Variants in MEOX2 observed in about 807,000 individuals in gnomAD.
MEOX2 encodes the protein homeobox protein MOX-2.
Under a neutral mutation model 27.0 loss-of-function variants are expected in MEOX2, and 11 were observed. That is an observed-to-expected ratio of 0.41 (90% CI 0.26 to 0.68). MEOX2 has a LOEUF of 0.68. Ranked by LOEUF, MEOX2 falls within the 30% of genes least tolerant of loss-of-function variation. The pLI is 0.33. For missense variants in MEOX2, 436 were observed against 385.4 expected (o/e 1.13, Z -1.10); for synonymous variants, 189 against 155.4 (o/e 1.22, Z -1.61).
At chr7:15,624,309 T>G (rs1357015827) in intron 2 of MEOX2, among the ~76,000 whole-genome samples, 1 of 152,228 alleles carries the variant, frequency 6.6e-6, no homozygotes, top group Admixed American at 6.5e-5. Flanking sequence ...AAATATATTG[T>G]GCACAATAAC....
chr7:15,632,400 T>C (rs767435458), intron 1 of MEOX2, among the ~76,000 whole-genome samples: 2 of 151,874 alleles, frequency 1.3e-5, no homozygotes, highest in Non-Finnish European at 2.9e-5. Context: ...TTTGTTTTAA[T>C]TTTATCTTTC....
chr7:15,646,943 T>C (rs1426354338), intron 1 of MEOX2, among the ~76,000 whole-genome samples: 1 of 151,950 alleles, frequency 6.6e-6, no homozygotes, highest in Non-Finnish European at 1.5e-5. Flanking sequence ...AAAGGCAATT[T>C]ATATACAGTA....
chr7:15,632,602 TA>T (rs1302561265), intron 1 of MEOX2, among the ~76,000 whole-genome samples: 2 of 151,846 alleles, frequency 1.3e-5, no homozygotes, highest in Admixed American at 6.6e-5. Flanking sequence ...GTATTTTTGT[TA>T]AAAAATATTT....
chr7:15,656,432 T>G (rs1411268957), intron 1 of MEOX2, among the ~76,000 whole-genome samples: 1 of 150,854 alleles, frequency 6.6e-6, no homozygotes, highest in African/African-American at 2.5e-5. Flanking sequence ...GTTTTTCATG[T>G]TTTTCTTTTT....
intron 2 of MEOX2, among the ~76,000 whole-genome samples, chr7:15,626,403 T>A (rs964895913): frequency 4.6e-5 from 7 of 152,202 alleles, no homozygotes; most frequent in African/African-American, 1.7e-4. Context: ...TTACCAACTT[T>A]CTAATATGCC....
chr7:15,654,030 A>G (rs1286845595), intron 1 of MEOX2, among the ~76,000 whole-genome samples: 2 of 151,932 alleles, frequency 1.3e-5, no homozygotes, highest in African/African-American at 4.8e-5. Context: ...TAAATTTTCC[A>G]GTCCATAAAC....
At chr7:15,619,395 T>A (rs1781180153) in intron 2 of MEOX2, among the ~76,000 whole-genome samples, 1 of 152,042 alleles carries the variant, frequency 6.6e-6, no homozygotes, top group Non-Finnish European at 1.5e-5. Flanking sequence ...TATTGTTAAT[T>A]TGTTGATTAC....
At chr7:15,643,993 T>C (rs948134155) in intron 1 of MEOX2, among the ~76,000 whole-genome samples, 1 of 152,180 alleles carries the variant, frequency 6.6e-6, no homozygotes, top group Admixed American at 6.5e-5. Context: ...AGGCAGGCAG[T>C]CTTGGTTGCA....
intron 1 of MEOX2, among the ~76,000 whole-genome samples, chr7:15,665,599 T>G (rs538293175): frequency 6.6e-6 from 1 of 152,280 alleles, no homozygotes; most frequent in African/African-American, 2.4e-5. Context: ...AATGACCAAT[T>G]TTACCATGTA....
chr7:15,624,323 T>G (rs1781264295), intron 2 of MEOX2, among the ~76,000 whole-genome samples: 1 of 152,170 alleles, frequency 6.6e-6, no homozygotes, highest in African/African-American at 2.4e-5. Context: ...CAATAACAAA[T>G]TTTCAATTCA....
At chr7:15,651,650 T>C (rs1781733649) in intron 1 of MEOX2, among the ~76,000 whole-genome samples, 1 of 152,004 alleles carries the variant, frequency 6.6e-6, no homozygotes, top group African/African-American at 2.4e-5. Flanking sequence ...AAGGCGGGGA[T>C]TTAATTCTGA....
At chr7:15,662,035 C>T (rs754704200) in intron 1 of MEOX2, among the ~76,000 whole-genome samples, 17 of 151,938 alleles carry the variant, frequency 1.1e-4, no homozygotes, top group Admixed American at 2.0e-4. Context: ...TCCATCCTTA[C>T]ACCCTGGAAT....
Position 15,612,563 on chromosome 7 carries a change from C to A in MEOX2, c.739G>T (p.Gly247Cys), listed in dbSNP as rs180977090. The change falls in exon 3 of 3, where the codon GGT becomes TGT. Residue 247 changes from glycine (G) to cysteine (C), a missense_variant. Transcript: ENST00000262041. ...CGAGCCGCAGCTCCTTGCTGTCCAC[C>A]CTTTACCCTCTTCCACTTCATCCGC... ...NRRMKWKRVK[G>C]GQQGAAAREK... The A allele has an allele frequency of 3.7e-6, 6 of 1,614,126 alleles. No individual in the cohort carries two copies. Among genetic ancestry groups the A allele is most frequent in the Non-Finnish European group, 5.1e-6 (6 of 1,180,034 alleles).
chr7:15,626,424 AT>A (rs1249161732), intron 2 of MEOX2, among the ~76,000 whole-genome samples: 1 of 152,052 alleles, frequency 6.6e-6, no homozygotes, highest in Non-Finnish European at 1.5e-5. Flanking sequence ...AAATAAGGAG[AT>A]TTTAACATAT....
Position 15,680,552 on chromosome 7 carries a change from C to T in MEOX2, c.517+5334G>A, listed in dbSNP as rs3801425. 3 of 151,964 alleles carry T rather than the reference C, an allele frequency of 2.0e-5. No homozygotes were observed. In the East Asian group the frequency reaches 5.8e-4, roughly 29 times the overall value. The allele number at this position is 151,964 out of a possible 1,614,324, so 9.4% of individuals were successfully genotyped here. ...TTTAGGAGTAATGTAGAGAGTTTTG[C>T]AACTAACTTTACTTTACACCGTTAC... On this transcript the variant is annotated intron_variant, in intron 1 of 2. Transcript: ENST00000262041.
In MEOX2 at chr7:15,626,737, C is replaced by A. The variant is rs771564049; in HGVS notation, c.690+9G>T. 1.9e-6 allele frequency: 3 copies of A among 1,597,002 alleles called. No homozygotes were observed. Among genetic ancestry groups the A allele is most frequent in the Non-Finnish European group, 8.6e-7 (1 of 1,168,244 alleles). On this transcript the variant is annotated intron_variant, in intron 2 of 2. Coordinates refer to ENST00000262041, the MANE Select transcript of MEOX2 (RefSeq NM_005924.5). ...AAAAAGATCATATAATGATAATGCCCAGCTTTACCTGTCTTTCAGTGAGAT... is the reference window on the plus strand; with the variant it reads ...AAAAAGATCATATAATGATAATGCCAAGCTTTACCTGTCTTTCAGTGAGAT...
chr7:15,684,309 A>G (rs1328823869), intron 1 of MEOX2, among the ~76,000 whole-genome samples: 1 of 152,192 alleles, frequency 6.6e-6, no homozygotes, highest in Non-Finnish European at 1.5e-5. Flanking sequence ...TGAAATTGTC[A>G]CTGCATTCTA....
intron 1 of MEOX2, among the ~76,000 whole-genome samples, chr7:15,639,460 T>C (rs933391570): frequency 6.6e-6 from 1 of 152,118 alleles, no homozygotes; most frequent in African/African-American, 2.4e-5. Context: ...TGTCTTTTGC[T>C]GTGCAGAAGC....
At position 15,612,300 on chromosome 7, in the gene MEOX2, A is replaced by G; in HGVS notation, c.*87T>C. On this transcript the variant is annotated 3_prime_UTR_variant, in exon 3 of 3. Coordinates refer to ENST00000262041, the MANE Select transcript of MEOX2 (RefSeq NM_005924.5). ...TAATAATATTAAACATCACTGCCAT[A>G]GTCATCTCTCTGTGTAAACGATATT... is the stretch of plus-strand genomic sequence containing the variant. The G allele has an allele frequency of 9.8e-7, 1 of 1,022,740 alleles. No homozygotes were observed. Among genetic ancestry groups the G allele is most frequent in the Non-Finnish European group, 1.5e-6 (1 of 652,048 alleles). 63.4% of individuals were successfully genotyped at this position (1,022,740 alleles called of 1,614,324 possible).
Sources: allele counts gnomAD v4.1 joint callset (sites outside exome capture counted in the v4.1 genomes callset), GRCh38; gene constraint gnomAD v4.1.1; transcripts MANE v1.5; gene names NCBI Gene and HGNC (gene_info 2026-07-23, HGNC 2026-07-21).